EGFL7: variants seen among roughly 807,000 people sequenced by gnomAD.
EGFL7 encodes epidermal growth factor-like protein 7.
EGFL7 carries 48 observed loss-of-function variants against 37.1 expected under a neutral mutation model. The observed-to-expected ratio is 1.29, with a 90% CI of 1.03 to 1.65. The LOEUF (loss-of-function observed/expected upper bound fraction) is 1.65, where lower values mean the gene tolerates loss of function less well. EGFL7 is among the 40% of genes most tolerant of loss of function. The pLI, the probability that EGFL7 is intolerant of heterozygous loss-of-function variation, is 0.00. For synonymous variants in EGFL7, 180 were observed against 156.8 expected (o/e 1.15, Z -1.10); for missense variants, 384 against 378.9 (o/e 1.01, Z -0.11).
chr9:136,661,754 G>T (rs78431904), upstream of EGFL7, among the ~76,000 whole-genome samples: 4,440 of 152,278 alleles, frequency 0.029, 90 homozygotes, highest in Non-Finnish European at 0.045. Flanking sequence ...CCAAAGTCCC[G>T]TGGGGAATTT....
chr9:136,665,401 G>C (rs1013019877), intron 3 of EGFL7, among the ~76,000 whole-genome samples: 1 of 152,222 alleles, frequency 6.6e-6, no homozygotes, highest in Non-Finnish European at 1.5e-5. Context: ...TGGGCGTCCC[G>C]GGGTGGTTTT....
At chr9:136,670,689 G>T (rs143790661) in intron 8 of EGFL7, 1 of 772,000 alleles carries the variant, frequency 1.3e-6, no homozygotes. Context: ...CCACGGCACC[G>T]CATCGAAAAC....
At chr9:136,669,018 A>G (rs922669413) in intron 5 of EGFL7, among the ~76,000 whole-genome samples, 5 of 152,080 alleles carry the variant, frequency 3.3e-5, no homozygotes, top group Non-Finnish European at 7.4e-5. Context: ...GCAAGTTCCC[A>G]TATACACAGA....
intron 7 of EGFL7, 66 bp downstream of exon 7, chr9:136,670,075 T>C: frequency 6.3e-7 from 1 of 1,599,470 alleles, no homozygotes; most frequent in Admixed American, 1.7e-5. Flanking sequence ...TGTCCTGGGG[T>C]TACTGCTGGC....
rs376010757 is a variant in EGFL7, at chr9:136,668,166, C to T, written c.-42-75C>T. 7.7e-5 allele frequency: 65 copies of T among 842,134 alleles called. No homozygotes were observed. In the African/African-American group the frequency reaches 9.4e-4, roughly 12 times the overall value. 52.2% of individuals were successfully genotyped at this position (842,134 alleles called of 1,614,324 possible). ...GCGGAGATGAGCTGGGCAGGCCTCGCGGAGCAAGTGCAAACTGCACCCGCG... is the reference window on the plus strand; with the variant it reads ...GCGGAGATGAGCTGGGCAGGCCTCGTGGAGCAAGTGCAAACTGCACCCGCG... On this transcript the variant is annotated intron_variant, in intron 3 of 10. Coordinates refer to ENST00000308874, the MANE Select transcript of EGFL7 (RefSeq NM_016215.5).
upstream of EGFL7, chr9:136,659,576 G>T (rs1845011200): frequency 6.6e-6 from 1 of 152,552 alleles, no homozygotes; most frequent in African/African-American, 2.4e-5. Context: ...GAGGGCCCGG[G>T]GGGCTCTGCC....
At chr9:136,668,447 C>A in intron 4 of EGFL7, 85 bp downstream of exon 4, 2 of 1,511,122 alleles carry the variant, frequency 1.3e-6, no homozygotes, top group Admixed American at 3.6e-5. Context: ...CAGCACCTGT[C>A]GGGGACTCCC....
chr9:136,670,160 T>G lies in EGFL7; in HGVS notation c.410-9T>G, dbSNP rs375816376. On this transcript the variant is annotated splice_polypyrimidine_tract_variant and intron_variant, in intron 7 of 10. Transcript: ENST00000308874. ...CAGGCATGGCCGCCTGACACCCCGT[T>G]TCCTGCAGATGTGGATGAATGCAGT... 6.2e-7 allele frequency: 1 copy of G among 1,612,654 alleles called. No individual in the cohort carries two copies. The highest frequency in any genetic ancestry group is 8.5e-7 in the Non-Finnish European group (1 of 1,179,888).
chr9:136,662,371 G>A (rs1242868066), upstream of EGFL7, among the ~76,000 whole-genome samples: 1 of 152,230 alleles, frequency 6.6e-6, no homozygotes. Flanking sequence ...TTCTCGGACC[G>A]CTCAGCCTGT....
chr9:136,659,957 C>G (rs1051594243), upstream of EGFL7, among the ~76,000 whole-genome samples: 14 of 152,240 alleles, frequency 9.2e-5, no homozygotes, highest in Admixed American at 9.2e-4. Flanking sequence ...GGCGTGGGGC[C>G]CGGCCTGGCT....
chr9:136,668,482 C>T lies in EGFL7; in HGVS notation c.81-75C>T, dbSNP rs1046632244. On this transcript the variant is annotated intron_variant, in intron 4 of 10. Coordinates refer to ENST00000308874, the MANE Select transcript of EGFL7 (RefSeq NM_016215.5). Reference sequence around the variant, plus strand: ...CTGGGGGCTCCTGCTGAGGGTCCTGCCCCGGCCACATGTTCCCATCATTCT... The same window carrying T: ...CTGGGGGCTCCTGCTGAGGGTCCTGTCCCGGCCACATGTTCCCATCATTCT... 5 of 1,549,214 alleles carry T rather than the reference C, an allele frequency of 3.2e-6. No homozygotes were observed. In the Admixed American group the frequency reaches 8.5e-5, roughly 26 times the overall value.
rs371380031 is a variant in EGFL7, at chr9:136,671,283, GGGGA to G, written c.636+272_636+275del. Among the ~76,000 whole-genome samples, 87 of 106,220 alleles carry G rather than the reference GGGGA, an allele frequency of 8.2e-4. 1 individual carries two copies. The highest frequency in any genetic ancestry group is 2.7e-3 in the South Asian group (7 of 2,568). The allele number at this position is 106,220 out of a possible 152,430, so 69.7% of individuals were successfully genotyped here. On this transcript the variant is annotated intron_variant, in intron 9 of 10. Transcript: ENST00000308874. ...TGCTGGAGGAGATGAGGCGTCGGGG[GGGGA>G]GGCAGGCAGTCCAGGGTGGACCTGC...
intron 3 of EGFL7, among the ~76,000 whole-genome samples, chr9:136,667,829 C>T (rs1243732538): frequency 1.3e-5 from 2 of 152,192 alleles, no homozygotes; most frequent in Admixed American, 6.5e-5. Flanking sequence ...GCTCTGCCCA[C>T]GAACACCCCG....
upstream of EGFL7, among the ~76,000 whole-genome samples, chr9:136,659,975 G>A (rs1350993472): frequency 6.6e-6 from 1 of 152,178 alleles, no homozygotes; most frequent in Non-Finnish European, 1.5e-5. Flanking sequence ...GCTTCTGTGG[G>A]GCTGGAGCCT....
chr9:136,669,558 C>T, intron 5 of EGFL7, 48 bp from the exon 6 acceptor site: 1 of 1,426,674 alleles, frequency 7.0e-7, no homozygotes, highest in Non-Finnish European at 9.8e-7. Flanking sequence ...CAGCAGGTGA[C>T]TAAGGGGGAG....
Position 136,669,707 on chromosome 9 carries a change from G to A in EGFL7, c.299G>A (p.Gly100Glu), listed in dbSNP as rs763538948. The A allele has an allele frequency of 4.4e-6, 7 of 1,596,850 alleles. No homozygotes were observed. The highest frequency in any genetic ancestry group is 5.1e-6 in the Non-Finnish European group (6 of 1,172,614). ...PGWKRTSGLP[G>E]ACGAAICQPP... ...TGGAAGAGGACCAGCGGGCTTCCTG[G>A]GGCCTGTGGAGCAGGTGAGGGCTAT... Residue 100 changes from glycine to glutamate, a missense_variant, in exon 6 of 11, where the codon GGG becomes GAG. Physicochemically the swap from Gly to Glu is moderately conservative, Grantham distance 98 (BLOSUM62 -2). Transcript: ENST00000308874.
rs1408638095 is a variant in EGFL7 at position 136,671,002 on chromosome 9, C to A, written c.624C>A (p.Asp208Glu). The A allele has an allele frequency of 2.6e-6, 3 of 1,167,984 alleles. No individual in the cohort carries two copies. Among genetic ancestry groups the A allele is most frequent in the Non-Finnish European group, 3.4e-6 (3 of 887,250 alleles). The allele number at this position is 1,167,984 out of a possible 1,614,324, so 72.4% of individuals were successfully genotyped here. A position where few individuals can be genotyped will look rare whatever the true frequency, so the allele number is the denominator to read the frequency against. ...TGCAGAGGCTGCAGTCCAGGGTGGA[C>A]CTGCTGGAGGAGGTGAGGCATTGGT... ...EEVQRLQSRVDLLEEKLQLVL... is the reference protein window; with the variant it reads ...EEVQRLQSRVELLEEKLQLVL... The change falls in exon 9 of 11, where the codon GAC becomes GAA. Residue 208 changes from aspartate to glutamate, a missense_variant. Physicochemically the swap from Asp to Glu is conservative, Grantham distance 45. Transcript: ENST00000308874.
intron 8 of EGFL7, chr9:136,670,615 A>G (rs758006587): frequency 1.0e-5 from 8 of 773,142 alleles, no homozygotes; most frequent in Non-Finnish European, 1.9e-5. Flanking sequence ...TGGCGACGGG[A>G]CATTATTACT....
chr9:136,672,252 A>AT lies in EGFL7; in HGVS notation c.800-11dup, dbSNP rs1289237484. The AT allele has an allele frequency of 6.2e-7, 1 of 1,613,292 alleles. No homozygotes were observed. The highest frequency in any genetic ancestry group is 8.5e-7 in the Non-Finnish European group (1 of 1,179,940). Reference sequence around the variant, plus strand: ...AGCAGTGATCTCTGACCTTCGCCTCATCCAACCCTAGGCTCCTGCAAGAAA... The same window carrying AT: ...AGCAGTGATCTCTGACCTTCGCCTCATTCCAACCCTAGGCTCCTGCAAGAAA... On this transcript the variant is annotated splice_polypyrimidine_tract_variant and intron_variant, in intron 10 of 10. Coordinates refer to ENST00000308874, the MANE Select transcript of EGFL7 (RefSeq NM_016215.5).
Sources: allele counts gnomAD v4.1 joint callset (sites outside exome capture counted in the v4.1 genomes callset), GRCh38; gene constraint gnomAD v4.1.1; transcripts MANE v1.5; gene names NCBI Gene and HGNC (gene_info 2026-07-23, HGNC 2026-07-21).